Variants in POLQ observed in about 807,000 individuals in gnomAD.
The protein encoded by POLQ is epididymis secretory sperm binding protein.
Under a neutral mutation model 259.2 loss-of-function variants are expected in POLQ, and 233 were observed. The observed-to-expected ratio is 0.90, with a 90% CI of 0.81 to 1.00. The LOEUF (loss-of-function observed/expected upper bound fraction) is 1.00. Ranked by LOEUF, POLQ falls within the 50% of genes least tolerant of loss-of-function variation. POLQ has a pLI of 0.00. For synonymous variants in POLQ, 1,025 were observed against 1,048.8 expected (o/e 0.98, Z 0.44); for missense variants, 2,871 against 3,051.6 (o/e 0.94, Z 1.39).
intron 9 of POLQ, among the ~76,000 whole-genome samples, 196 bp downstream of exon 9, chr3:121,519,675 C>CAAAAA (rs959037678): frequency 3.3e-5 from 2 of 59,790 alleles, no homozygotes; most frequent in Non-Finnish European, 6.8e-5. Flanking sequence ...GACTCCGTCT[C>CAAAAA]AAAAAAAAAA....
At position 121,435,964 on chromosome 3, in the gene POLQ, C is replaced by G. The variant is rs546062308; in HGVS notation, c.7543+158G>C. Among the ~76,000 whole-genome samples the G allele has an allele frequency of 3.5e-3, 529 of 152,228 alleles. 2 individuals carry two copies. Among genetic ancestry groups the G allele is most frequent in the African/African-American group, 0.012 (504 of 41,526 alleles). Reference sequence around the variant, plus strand: ...TAGACATAACCCACAAAAACAAGAGCTCTTTGAAATCCTTAATAATTTCTA... The same window carrying G: ...TAGACATAACCCACAAAAACAAGAGGTCTTTGAAATCCTTAATAATTTCTA... On this transcript the variant is annotated intron_variant, in intron 28 of 29. Coordinates refer to ENST00000264233, the MANE Select transcript of POLQ (RefSeq NM_199420.4).
chr3:121,446,312 A>G (rs1373137642), intron 26 of POLQ, among the ~76,000 whole-genome samples: 1 of 152,056 alleles, frequency 6.6e-6, no homozygotes, highest in African/African-American at 2.4e-5. Flanking sequence ...CTTGATATTA[A>G]CTTTCTGAAT....
chr3:121,457,338 T>A (rs1169979137), intron 25 of POLQ, among the ~76,000 whole-genome samples: 2 of 152,106 alleles, frequency 1.3e-5, no homozygotes, highest in Non-Finnish European at 2.9e-5. Context: ...GGACTTCATG[T>A]CTAAAACACC....
At position 121,489,514 on chromosome 3, in the gene POLQ, T is replaced by C. The variant is rs2048045779; in HGVS notation, c.3417A>G (p.Thr1139=). Residue 1139 remains threonine (T), a synonymous_variant, in exon 16 of 30, where the codon ACA becomes ACG. Coordinates refer to ENST00000264233, the MANE Select transcript of POLQ (RefSeq NM_199420.4). ...TNDNFVEHIV[T]GSQSKNVTCQ... ...AAGTCACATTTTTACTCTGAGATCC[T>C]GTGACAATATGCTCCACAAAATTAT... 2.5e-6 allele frequency: 4 copies of C among 1,613,978 alleles called. No individual in the cohort carries two copies. Among genetic ancestry groups the C allele is most frequent in the East Asian group, 2.2e-5 (1 of 44,878 alleles).
chr3:121,513,330 G>A (rs767933984), intron 9 of POLQ, among the ~76,000 whole-genome samples: 6 of 151,990 alleles, frequency 3.9e-5, no homozygotes, highest in Admixed American at 2.6e-4. Context: ...ACAGCCAGGC[G>A]CGGTGGCTCA....
At chr3:121,497,277 C>A (rs1328323458) in intron 13 of POLQ, among the ~76,000 whole-genome samples, 1 of 152,108 alleles carries the variant, frequency 6.6e-6, no homozygotes, top group African/African-American at 2.4e-5. Flanking sequence ...TATATCATTA[C>A]TCCAATAAAA....
At chr3:121,451,347 G>A (rs1427561929) in intron 25 of POLQ, among the ~76,000 whole-genome samples, 3 of 152,204 alleles carry the variant, frequency 2.0e-5, no homozygotes, top group South Asian at 2.1e-4. Context: ...GAGTTCCTTT[G>A]GAGTGGGAGA....
chr3:121,533,527 T>A (rs997521653), intron 5 of POLQ, among the ~76,000 whole-genome samples: 7 of 151,958 alleles, frequency 4.6e-5, no homozygotes, highest in Admixed American at 4.6e-4. Flanking sequence ...TAGTATTTCT[T>A]TTTTTTTAGA....
intron 12 of POLQ, among the ~76,000 whole-genome samples, chr3:121,508,926 T>C (rs2048230927): frequency 6.6e-6 from 1 of 151,922 alleles, no homozygotes; most frequent in African/African-American, 2.4e-5. Context: ...ATTAATATCT[T>C]TGTTATACAA....
At chr3:121,480,528 C>G (rs1453118665) in intron 19 of POLQ, among the ~76,000 whole-genome samples, 1 of 151,670 alleles carries the variant, frequency 6.6e-6, no homozygotes, top group East Asian at 1.9e-4. Context: ...ACTATGTGGT[C>G]CAGGCTGGTC....
intron 27 of POLQ, among the ~76,000 whole-genome samples, chr3:121,439,564 G>C: frequency 6.6e-6 from 1 of 152,098 alleles, no homozygotes; most frequent in East Asian, 1.9e-4. Flanking sequence ...CAAACAAGTA[G>C]AATGAACCAA....
chr3:121,432,246 CTT>C lies in POLQ; in HGVS notation c.*56_*57del. 1 of 1,502,312 alleles carries C rather than the reference CTT, an allele frequency of 6.7e-7. No individual in the cohort carries two copies. The highest frequency in any genetic ancestry group is 8.9e-7 in the Non-Finnish European group (1 of 1,122,342). The allele number at this position is 1,502,312 out of a possible 1,614,324, so 93.1% of individuals were successfully genotyped here. On this transcript the variant is annotated 3_prime_UTR_variant, in exon 30 of 30. Transcript: ENST00000264233. ...GGTAGGTGAAAGGGTAATCTCTGTT[CTT>C]TCCAGGTGACTGCATCTGCACAGGC... is the stretch of plus-strand genomic sequence containing the variant.
chr3:121,537,965 G>A (rs907101637), intron 4 of POLQ, among the ~76,000 whole-genome samples: 16 of 152,154 alleles, frequency 1.1e-4, no homozygotes, highest in East Asian at 1.9e-4. Flanking sequence ...ACAGGCAGTC[G>A]TACTACAAGG....
intron 26 of POLQ, among the ~76,000 whole-genome samples, chr3:121,447,002 T>A (rs759610540): frequency 6.6e-5 from 10 of 152,098 alleles, no homozygotes; most frequent in Non-Finnish European, 1.3e-4. Flanking sequence ...GTTTACTGGT[T>A]GTTCCATGGT....
intron 2 of POLQ, 36 bp downstream of exon 2, chr3:121,544,691 T>G: frequency 7.3e-7 from 1 of 1,378,778 alleles, no homozygotes; most frequent in Non-Finnish European, 1.0e-6. Flanking sequence ...CATTCATATC[T>G]TAAAAATAGT....
At chr3:121,486,422 C>T (rs954639498) in intron 16 of POLQ, among the ~76,000 whole-genome samples, 3 of 152,082 alleles carry the variant, frequency 2.0e-5, no homozygotes, top group Non-Finnish European at 4.4e-5. Flanking sequence ...GGCATGATGG[C>T]ATGCACCTGT....
In POLQ at chr3:121,522,031, TAC is replaced by T. The variant is rs773466877; in HGVS notation, c.1225_1226del (p.Val409ThrfsTer14). ...SGLDSVLQKT[V>X]PWGVAFHHAG... is the part of the protein sequence containing the mutation. The stretch of plus-strand genomic sequence containing the variant: ...CATGATGAAATGCTACTCCCCATGG[TAC>T]AGTTTTCTGTAATACAGAGTCCAGT... On this transcript the variant is annotated frameshift_variant, in exon 8 of 30. Transcript: ENST00000264233. LOFTEE classifies it high-confidence loss of function. 7 of 1,594,266 alleles carry T rather than the reference TAC, an allele frequency of 4.4e-6. No individual in the cohort carries two copies. Among genetic ancestry groups the T allele is most frequent in the East Asian group, 2.3e-5 (1 of 43,586 alleles).
rs2047579986 is a variant in POLQ, at chr3:121,440,251, A to G, written c.7265-135T>C. ...TTAATATCATATCGTCAAATCAGGC[A>G]TGCGAACTTTCATTCACTTTTTCTA... is the stretch of plus-strand genomic sequence containing the variant. On this transcript the variant is annotated intron_variant, in intron 26 of 29. Transcript: ENST00000264233. The G allele has an allele frequency of 4.9e-6, 3 of 617,752 alleles. No individual in the cohort carries two copies. The South Asian group carries it at 7.5e-5, about 15-fold the overall frequency. The allele number at this position is 617,752 out of a possible 1,614,324, so 38.3% of individuals were successfully genotyped here.
chr3:121,499,832 G>C (rs1316636181), intron 12 of POLQ, among the ~76,000 whole-genome samples: 2 of 152,054 alleles, frequency 1.3e-5, no homozygotes, highest in Non-Finnish European at 1.5e-5. Flanking sequence ...ATTGAAATAA[G>C]TAAAGACTTC....
Sources: allele counts gnomAD v4.1 joint callset (sites outside exome capture counted in the v4.1 genomes callset), GRCh38; gene constraint gnomAD v4.1.1; transcripts MANE v1.5; gene names NCBI Gene and HGNC (gene_info 2026-07-23, HGNC 2026-07-21).